ERBB4: variants seen among roughly 807,000 people sequenced by gnomAD.
ERBB4 encodes the protein receptor tyrosine-protein kinase erbB-4.
A neutral mutation model predicts 158.0 loss-of-function variants in ERBB4; 42 were observed. The ratio of observed to expected loss-of-function variants is 0.27; its 90% CI spans 0.21 to 0.34. The LOEUF (loss-of-function observed/expected upper bound fraction) is 0.34, where lower values mean the gene tolerates loss of function less well. Ranked by LOEUF, ERBB4 falls within the 10% of genes least tolerant of loss-of-function variation. The pLI, the probability that ERBB4 is intolerant of heterozygous loss-of-function variation, is 1.00. For missense variants in ERBB4, 1,333 were observed against 1,624.1 expected (o/e 0.82, Z 3.08); for synonymous variants, 583 against 558.7 (o/e 1.04, Z -0.61).
chr2:212,196,361 A>G (rs2082426825), intron 1 of ERBB4, among the ~76,000 whole-genome samples: 2 of 152,212 alleles, frequency 1.3e-5, no homozygotes, highest in South Asian at 2.1e-4. Flanking sequence ...TATAATGAGT[A>G]TGCTAAGGAG....
chr2:211,713,424 G>A, intron 8 of ERBB4, 111 bp downstream of exon 8: 1 of 722,010 alleles, frequency 1.4e-6, no homozygotes, highest in Non-Finnish European at 2.6e-6. Flanking sequence ...CGTGTGGGTA[G>A]GTTTGGTTGT....
At chr2:211,840,231 A>G (rs377636962) in intron 3 of ERBB4, among the ~76,000 whole-genome samples, 1 of 152,130 alleles carries the variant, frequency 6.6e-6, no homozygotes, top group African/African-American at 2.4e-5. Context: ...GGTTTTCTAA[A>G]GGGGAGTTCC....
chr2:212,119,961 T>C (rs944587237), intron 2 of ERBB4, among the ~76,000 whole-genome samples: 1 of 152,176 alleles, frequency 6.6e-6, no homozygotes, highest in Admixed American at 6.5e-5. Context: ...GGAGACGTAC[T>C]AGACAAGGCA....
At chr2:211,513,347 G>T (rs1574644782) in intron 20 of ERBB4, among the ~76,000 whole-genome samples, 1 of 107,624 alleles carries the variant, frequency 9.3e-6, no homozygotes. Context: ...GACAGAGCGA[G>T]ACTCCGTCTC....
chr2:212,480,065 T>C (rs1224737715), intron 1 of ERBB4, among the ~76,000 whole-genome samples: 1 of 152,192 alleles, frequency 6.6e-6, no homozygotes, highest in Non-Finnish European at 1.5e-5. Context: ...CTTGTGGGAA[T>C]TAATTATTAC....
At chr2:212,343,960 A>G (rs1046966961) in intron 1 of ERBB4, among the ~76,000 whole-genome samples, 1 of 152,088 alleles carries the variant, frequency 6.6e-6, no homozygotes, top group African/African-American at 2.4e-5. Context: ...TTTTTTTTCC[A>G]TTTGTATATA....
chr2:211,805,809 T>A (rs1385887486), intron 3 of ERBB4, among the ~76,000 whole-genome samples: 1 of 152,060 alleles, frequency 6.6e-6, no homozygotes, highest in Non-Finnish European at 1.5e-5. Context: ...ACAAAAAAAA[T>A]TCTATTCTAT....
chr2:211,702,709 G>C (rs372513054), intron 11 of ERBB4, among the ~76,000 whole-genome samples: 1 of 152,078 alleles, frequency 6.6e-6, no homozygotes, highest in African/African-American at 2.4e-5. Context: ...AAAATGTAAA[G>C]AATCAAACTA....
chr2:212,034,555 C>G (rs1415339472), intron 2 of ERBB4, among the ~76,000 whole-genome samples: 1 of 151,904 alleles, frequency 6.6e-6, no homozygotes, highest in Non-Finnish European at 1.5e-5. Flanking sequence ...CTTCAGAAAG[C>G]TCCTAAGTGA....
chr2:211,754,014 C>T (rs1054740041), intron 4 of ERBB4, among the ~76,000 whole-genome samples: 11 of 151,560 alleles, frequency 7.3e-5, no homozygotes, highest in South Asian at 2.1e-4. Context: ...CCTGCCACCA[C>T]GCCCGGCTAA....
rs886221359 is a variant in ERBB4, at chr2:211,705,824, C to T, written c.1125-433G>A. On this transcript the variant is annotated intron_variant, in intron 9 of 27. Coordinates refer to ENST00000342788, the MANE Select transcript of ERBB4 (RefSeq NM_005235.3). ...TACATTGCTATTAGTACCTGGAATTCGTAAGAAGGACAGAAACAAACACAA... is the reference window on the plus strand; with the variant it reads ...TACATTGCTATTAGTACCTGGAATTTGTAAGAAGGACAGAAACAAACACAA... Among the ~76,000 whole-genome samples, 5 of 152,136 alleles carry T rather than the reference C, an allele frequency of 3.3e-5. No individual in the cohort carries two copies. The East Asian group carries it at 7.7e-4, about 23-fold the overall frequency.
chr2:211,719,393 T>TC (rs2074024677), intron 7 of ERBB4, among the ~76,000 whole-genome samples: 2 of 152,068 alleles, frequency 1.3e-5, no homozygotes, highest in Non-Finnish European at 1.5e-5. Context: ...ACCACCTTTT[T>TC]CCCGAACACA....
At chr2:212,124,633 G>T in intron 2 of ERBB4, 119 bp downstream of exon 2, 1 of 1,144,824 alleles carries the variant, frequency 8.7e-7, no homozygotes, top group Non-Finnish European at 1.3e-6. Context: ...TTTGCCTATA[G>T]TCACAGTGCC....
chr2:212,346,268 C>A (rs138026773), intron 1 of ERBB4, among the ~76,000 whole-genome samples: 2 of 151,644 alleles, frequency 1.3e-5, no homozygotes, highest in Admixed American at 6.6e-5. Context: ...TCTATGTTTT[C>A]TAAGTATTTG....
chr2:211,686,249 T>C lies in ERBB4; in HGVS notation c.1490-7065A>G, dbSNP rs191870764. On this transcript the variant is annotated intron_variant, in intron 12 of 27. Coordinates refer to ENST00000342788, the MANE Select transcript of ERBB4 (RefSeq NM_005235.3). ...ATGTTAGCTGTAGGATTTTTGTAGA[T>C]GGTCTTCATGAAGGGGAGAAACTTA... is the stretch of plus-strand genomic sequence containing the variant. Among the ~76,000 whole-genome samples the C allele has an allele frequency of 1.1e-4, 16 of 152,298 alleles. No homozygotes were observed. In the East Asian group the frequency reaches 3.1e-3, roughly 29 times the overall value.
intron 9 of ERBB4, among the ~76,000 whole-genome samples, chr2:211,711,842 C>G (rs892409577): frequency 1.3e-4 from 19 of 151,862 alleles, no homozygotes; most frequent in Non-Finnish European, 5.9e-5. Flanking sequence ...TATTTTTGAC[C>G]TTAGTCACCA....
chr2:212,286,249 C>A lies in ERBB4; in HGVS notation c.83-161346G>T, dbSNP rs549751957. 2.6e-5 allele frequency among the ~76,000 whole-genome samples: 4 copies of A among 152,166 alleles called. No individual in the cohort carries two copies. The East Asian group carries it at 7.7e-4, about 29-fold the overall frequency. On this transcript the variant is annotated intron_variant, in intron 1 of 27. Coordinates refer to ENST00000342788, the MANE Select transcript of ERBB4 (RefSeq NM_005235.3). ...TAACATTATTATTATGAAATACAAC[C>A]AATATCAGAAGGAAATTATTTTTTA...
At chr2:211,931,614 A>G (rs1575396110) in intron 3 of ERBB4, among the ~76,000 whole-genome samples, 1 of 151,072 alleles carries the variant, frequency 6.6e-6, no homozygotes, top group African/African-American at 2.5e-5. Flanking sequence ...AAATAATGAA[A>G]GGAAAGAAAG....
chr2:212,359,887 T>G (rs1324264754), intron 1 of ERBB4, among the ~76,000 whole-genome samples: 2 of 151,796 alleles, frequency 1.3e-5, no homozygotes, highest in African/African-American at 4.8e-5. Context: ...AAGTCATTAT[T>G]GCTTTTTATT....
Sources: gnomAD v4.1 joint callset for allele counts (sites outside exome capture counted in the v4.1 genomes callset) on GRCh38, gnomAD v4.1.1 for gene constraint, MANE v1.5 for transcripts, NCBI Gene and HGNC (gene_info 2026-07-23, HGNC 2026-07-21) for gene names.